The following ESR1 variants were observed in gnomAD, a reference collection of about 807,000 sequenced individuals.
ESR1 encodes the protein estrogen receptor 1, also known as estrogen receptor.
A neutral mutation model predicts 52.7 loss-of-function variants in ESR1; 12 were observed. That is an observed-to-expected ratio of 0.23 (90% CI 0.15 to 0.37). The LOEUF is 0.37. ESR1 is among the 10% of genes least tolerant of loss of function. The pLI, the probability that ESR1 is intolerant of heterozygous loss-of-function variation, is 1.00. For synonymous variants in ESR1, 305 were observed against 316.8 expected, an observed-to-expected ratio of 0.96 and a Z score of 0.39; for missense variants, 584 against 779.7, an observed-to-expected ratio of 0.75 and a Z score of 2.99.
At chr6:151,782,023 G>A (rs1050046398) in intron 2 of ESR1, among the ~76,000 whole-genome samples, 2 of 152,204 alleles carry the variant, frequency 1.3e-5, no homozygotes, top group South Asian at 2.1e-4. Context: ...TAACTGTAAC[G>A]TGGTGGAGAA....
In ESR1 at chr6:151,863,678, A is replaced by G. The variant is rs187611742; in HGVS notation, c.644-16977A>G. ...TGCCCTGTCCAGAACTTCCAACACT[A>G]TGTTGAATAGGATGGTACTGGTACC... On this transcript the variant is annotated intron_variant, in intron 2 of 7. Transcript: ENST00000206249. 2.0e-3 allele frequency among the ~76,000 whole-genome samples: 307 copies of G among 152,278 alleles called. 1 individual carries two copies. Among genetic ancestry groups the G allele is most frequent in the Non-Finnish European group, 3.6e-3 (242 of 68,020 alleles).
chr6:151,899,586 A>C (rs71575911), intron 3 of ESR1, among the ~76,000 whole-genome samples: 2 of 122,738 alleles, frequency 1.6e-5, no homozygotes, highest in Admixed American at 7.9e-5. Flanking sequence ...TGACCCCCCC[A>C]CCTCCCTCCC....
At chr6:151,671,398 G>C (rs1188742875) in intron 1 of ESR1, among the ~76,000 whole-genome samples, 1 of 152,176 alleles carries the variant, frequency 6.6e-6, no homozygotes, top group African/African-American at 2.4e-5. Flanking sequence ...GATGAACCTG[G>C]AGGACATCGT....
chr6:151,760,505 C>G (rs1467916429), intron 2 of ESR1, among the ~76,000 whole-genome samples: 1 of 152,202 alleles, frequency 6.6e-6, no homozygotes, highest in African/African-American at 2.4e-5. Context: ...ATCCTATTAT[C>G]TGTGTCCTTT....
At chr6:151,690,914 C>T (rs776997814) in intron 1 of ESR1, among the ~76,000 whole-genome samples, 8 of 152,256 alleles carry the variant, frequency 5.3e-5, no homozygotes, top group Middle Eastern at 6.8e-3. Context: ...GAGGGCAATC[C>T]GACTACCCTT....
At chr6:151,776,955 C>T (rs992726909) in intron 2 of ESR1, among the ~76,000 whole-genome samples, 2 of 151,590 alleles carry the variant, frequency 1.3e-5, no homozygotes, top group African/African-American at 2.4e-5. Context: ...GGCTAGCAGG[C>T]GGACATTCAG....
At chr6:151,750,623 C>G (rs1783829539) in intron 2 of ESR1, among the ~76,000 whole-genome samples, 1 of 152,046 alleles carries the variant, frequency 6.6e-6, no homozygotes, top group African/African-American at 2.4e-5. Context: ...GGGTGAGAAA[C>G]AATCCTTTGA....
rs1779569870 is a variant in ESR1 at position 151,698,919 on chromosome 6, CA to C, written c.-201-2953del. 3.9e-5 allele frequency among the ~76,000 whole-genome samples: 6 copies of C among 152,098 alleles called. No homozygotes were observed. In the South Asian group the frequency reaches 1.2e-3, roughly 31 times the overall value. On this transcript the variant is annotated intron_variant, in intron 1 of 2. Coordinates refer to the ESR1 transcript ENST00000404742. ...ATTCCTCCGGATCACTCAATCTTCA[CA>C]AATCAAGCATATAGCTCCTTCACAT...
chr6:152,006,698 T>G (rs764920684), intron 4 of ESR1, among the ~76,000 whole-genome samples: 9 of 152,026 alleles, frequency 5.9e-5, no homozygotes, highest in Non-Finnish European at 1.0e-4. Context: ...GATGAATTAT[T>G]CAACTCTTCT....
At chr6:151,883,889 A>C (rs1793387910) in intron 3 of ESR1, among the ~76,000 whole-genome samples, 2 of 152,094 alleles carry the variant, frequency 1.3e-5, no homozygotes, top group Admixed American at 6.6e-5. Flanking sequence ...CGAAGACACC[A>C]GTCATATCGG....
intron 2 of ESR1, among the ~76,000 whole-genome samples, chr6:151,733,640 G>A (rs1439193182): frequency 1.3e-5 from 2 of 152,120 alleles, no homozygotes; most frequent in East Asian, 3.9e-4. Flanking sequence ...TTAGGAAGTG[G>A]TAAAATGGGA....
rs1466773439 is a variant in ESR1 at position 152,069,608 on chromosome 6, G to A, written c.1369+8484G>A. Among the ~76,000 whole-genome samples the A allele has an allele frequency of 2.2e-5, 3 of 135,694 alleles. 1 individual carries two copies. The highest frequency in any genetic ancestry group is 2.4e-4 in the East Asian group (1 of 4,174). 89.0% of individuals were successfully genotyped at this position (135,694 alleles called of 152,430 possible). On this transcript the variant is annotated intron_variant, in intron 6 of 7. Coordinates refer to ENST00000206249, the MANE Select transcript of ESR1 (RefSeq NM_000125.4). ...GTAGGGTGGGGTGGGGGATAGCTTC[G>A]GGATGAAACTGATCCACCTCAGATC...
In ESR1 at chr6:152,011,640, TC is replaced by T; in HGVS notation, c.1097-15del. On this transcript the variant is annotated splice_polypyrimidine_tract_variant and intron_variant, in intron 4 of 7. Coordinates refer to ENST00000206249, the MANE Select transcript of ESR1 (RefSeq NM_000125.4). ...TTTTCATTTGAGTCAGCAGGGTTTT[TC>T]TTGCTTGTTTTCAGGCTTTGTGGAT... 1.2e-6 allele frequency: 2 copies of T among 1,613,182 alleles called. No homozygotes were observed. Among genetic ancestry groups the T allele is most frequent in the South Asian group, 2.2e-5 (2 of 91,074 alleles).
At chr6:151,864,288 GACACTTCTC>G (rs1328641248) in intron 2 of ESR1, among the ~76,000 whole-genome samples, 11 of 152,170 alleles carry the variant, frequency 7.2e-5, no homozygotes, top group Admixed American at 2.6e-4. Flanking sequence ...GATATGAACA[GACACTTCTC>G]AAAAGAAGAC....
At chr6:151,983,194 G>A (rs1381461827) in intron 4 of ESR1, among the ~76,000 whole-genome samples, 6 of 152,050 alleles carry the variant, frequency 3.9e-5, no homozygotes, top group Non-Finnish European at 5.9e-5. Context: ...TGGAAGCTCC[G>A]GGAAGTTAAG....
At chr6:151,790,096 C>A (rs1362572204) in intron 2 of ESR1, among the ~76,000 whole-genome samples, 1 of 152,208 alleles carries the variant, frequency 6.6e-6, no homozygotes, top group Non-Finnish European at 1.5e-5. Flanking sequence ...ACCACACCCT[C>A]TGGCTGGTTG....
At chr6:152,086,192 T>G (rs945326347) in intron 6 of ESR1, among the ~76,000 whole-genome samples, 4 of 152,108 alleles carry the variant, frequency 2.6e-5, no homozygotes, top group Admixed American at 6.5e-5. Flanking sequence ...CTTTCTGACC[T>G]TGGGAAGATA....
At chr6:152,125,423 T>C in exon 7 of ESR1, 1 of 1,491,402 alleles carries the variant, frequency 6.7e-7, no homozygotes, top group East Asian at 2.5e-5. Context: ...CATTTTGTTT[T>C]GAGGCAGTTA....
intron 1 of ESR1, among the ~76,000 whole-genome samples, chr6:151,661,156 C>G (rs545425645): frequency 6.6e-6 from 1 of 152,274 alleles, no homozygotes; most frequent in East Asian, 1.9e-4. Context: ...TTAGAAAATT[C>G]TTACAATTTT....
Sources: allele counts gnomAD v4.1 joint callset (sites outside exome capture counted in the v4.1 genomes callset), GRCh38; gene constraint gnomAD v4.1.1; transcripts MANE v1.5; gene names NCBI Gene and HGNC (gene_info 2026-07-23, HGNC 2026-07-21).